RIMS2: variants seen among roughly 807,000 people sequenced by gnomAD.
The protein encoded by RIMS2 is regulating synaptic membrane exocytosis protein 2.
In RIMS2, 59 loss-of-function variants were observed where a neutral mutation model predicts 174.4. The observed-to-expected ratio is 0.34, with a 90% confidence interval of 0.27 to 0.42. The LOEUF (loss-of-function observed/expected upper bound fraction) is 0.42, where lower values mean the gene tolerates loss of function less well. Ranked by LOEUF, RIMS2 falls within the 10% of genes least tolerant of loss-of-function variation. RIMS2 has a pLI of 1.00. For missense variants in RIMS2, 1,620 were observed against 1,666.3 expected, an observed-to-expected ratio of 0.97 and a Z score of 0.48; for synonymous variants, 606 against 572.5, an observed-to-expected ratio of 1.06 and a Z score of -0.84.
At chr8:103,623,390 T>G (rs2095683714) in intron 1 of RIMS2, among the ~76,000 whole-genome samples, 1 of 152,006 alleles carries the variant, frequency 6.6e-6, no homozygotes, top group Admixed American at 6.5e-5. Context: ...GATAAAAATA[T>G]GTAGTATGTG....
chr8:104,056,183 T>A (rs1006011431), intron 19 of RIMS2, among the ~76,000 whole-genome samples: 1 of 152,078 alleles, frequency 6.6e-6, no homozygotes, highest in African/African-American at 2.4e-5. Context: ...GGCGGGCAGA[T>A]CATGAGGTCA....
chr8:104,244,179 A>C (rs2099318172), intron 19 of RIMS2, among the ~76,000 whole-genome samples: 2 of 152,152 alleles, frequency 1.3e-5, no homozygotes, highest in South Asian at 4.1e-4. Flanking sequence ...TTGGTCTTCT[A>C]ATTGGTTTCT....
chr8:104,191,052 G>A (rs2098995175), intron 19 of RIMS2, among the ~76,000 whole-genome samples: 1 of 151,926 alleles, frequency 6.6e-6, no homozygotes, highest in Non-Finnish European at 1.5e-5. Flanking sequence ...GCCAGAGGAG[G>A]CAAAGGTTTG....
chr8:103,699,833 C>T (rs2097148412), intron 2 of RIMS2, among the ~76,000 whole-genome samples: 1 of 152,078 alleles, frequency 6.6e-6, no homozygotes, highest in African/African-American at 2.4e-5. Flanking sequence ...TCTTCTTTGA[C>T]ATAGATAATT....
At chr8:104,099,424 C>T (rs980747283) in intron 19 of RIMS2, among the ~76,000 whole-genome samples, 7 of 152,052 alleles carry the variant, frequency 4.6e-5, no homozygotes, top group South Asian at 4.1e-4. Context: ...CCAATGAAAA[C>T]CTTATAAGCC....
chr8:103,724,815 C>T (rs941423475), intron 2 of RIMS2, among the ~76,000 whole-genome samples: 1 of 152,050 alleles, frequency 6.6e-6, no homozygotes, highest in Non-Finnish European at 1.5e-5. Flanking sequence ...TTCTGGTCTC[C>T]TTAATCTGCC....
intron 1 of RIMS2, among the ~76,000 whole-genome samples, chr8:103,619,948 A>G (rs2095597179): frequency 6.6e-6 from 1 of 152,166 alleles, no homozygotes; most frequent in Admixed American, 6.5e-5. Context: ...ATGATGCCAA[A>G]TATTTTAACA....
chr8:103,701,915 G>A (rs2097172308), intron 2 of RIMS2, among the ~76,000 whole-genome samples: 1 of 152,014 alleles, frequency 6.6e-6, no homozygotes, highest in Non-Finnish European at 1.5e-5. Flanking sequence ...TATCTCTTCA[G>A]TATGTTTATT....
chr8:103,793,703 C>G (rs1391917836), intron 3 of RIMS2, among the ~76,000 whole-genome samples: 1 of 152,206 alleles, frequency 6.6e-6, no homozygotes, highest in Admixed American at 6.5e-5. Flanking sequence ...AGCCCAAAAT[C>G]TCCTTAAGCT....
chr8:104,018,118 A>C (rs777749518), intron 19 of RIMS2, among the ~76,000 whole-genome samples: 1 of 152,184 alleles, frequency 6.6e-6, no homozygotes, highest in Non-Finnish European at 1.5e-5. Context: ...TGAATAATTT[A>C]GAATTTGTTA....
intron 1 of RIMS2, among the ~76,000 whole-genome samples, chr8:103,618,623 C>T (rs2095560067): frequency 6.6e-6 from 1 of 152,080 alleles, no homozygotes; most frequent in Non-Finnish European, 1.5e-5. Context: ...TCCCATTTCC[C>T]ACCCCTCTTC....
intron 3 of RIMS2, chr8:103,819,427 A>C: frequency 6.3e-7 from 1 of 1,588,158 alleles, no homozygotes; most frequent in Non-Finnish European, 8.5e-7. Context: ...GCGTGTTTTT[A>C]TTTGATGGTG....
intron 19 of RIMS2, among the ~76,000 whole-genome samples, chr8:104,229,124 G>A (rs976551237): frequency 2.4e-4 from 37 of 152,132 alleles, no homozygotes; most frequent in Admixed American, 9.8e-4. Flanking sequence ...TTCACTACCA[G>A]TAACAGGAAT....
chr8:103,680,650 G>A (rs546641741), intron 1 of RIMS2, among the ~76,000 whole-genome samples: 2 of 151,988 alleles, frequency 1.3e-5, no homozygotes, highest in South Asian at 4.2e-4. Flanking sequence ...TATAGTATAC[G>A]CCTGCATATC....
intron 19 of RIMS2, among the ~76,000 whole-genome samples, chr8:104,079,349 T>C (rs1318620191): frequency 6.6e-6 from 1 of 151,846 alleles, no homozygotes; most frequent in Non-Finnish European, 1.5e-5. Context: ...CATTTCCTTT[T>C]ACCGTCAGCA....
At chr8:104,101,012 TTACATATGTAA>T (rs2131022495) in intron 19 of RIMS2, among the ~76,000 whole-genome samples, 3 of 142,184 alleles carry the variant, frequency 2.1e-5, no homozygotes, top group African/African-American at 7.8e-5. Flanking sequence ...ATATGATATA[TTACATATGTAA>T]TATATGTTAT....
At chr8:103,843,947 GA>G (rs2098954684) in intron 3 of RIMS2, among the ~76,000 whole-genome samples, 1 of 152,152 alleles carries the variant, frequency 6.6e-6, no homozygotes, top group Non-Finnish European at 1.5e-5. Context: ...GGAGGTAATT[GA>G]ATTGTGGAGG....
chr8:103,545,488 TAG>T (rs1368797007), intron 1 of RIMS2, among the ~76,000 whole-genome samples: 1 of 152,192 alleles, frequency 6.6e-6, no homozygotes, highest in African/African-American at 2.4e-5. Flanking sequence ...CCAACTTTCC[TAG>T]AGAGGTGAAC....
chr8:104,163,908 T>C (rs969108809), intron 19 of RIMS2, among the ~76,000 whole-genome samples: 5 of 152,050 alleles, frequency 3.3e-5, no homozygotes, highest in Non-Finnish European at 7.4e-5. Flanking sequence ...TGAGGCAACA[T>C]GTAATACAGA....
Sources: gnomAD v4.1 joint callset for allele counts (sites outside exome capture counted in the v4.1 genomes callset) on GRCh38, gnomAD v4.1.1 for gene constraint, MANE v1.5 for transcripts, NCBI Gene and HGNC (gene_info 2026-07-23, HGNC 2026-07-21) for gene names.